Variants in ITGB7 observed in about 807,000 individuals in gnomAD.
The protein encoded by ITGB7 is integrin subunit beta 7, also known as integrin beta-7.
A neutral mutation model predicts 83.4 loss-of-function variants in ITGB7; 55 were observed. That is an observed-to-expected ratio of 0.66 (90% CI 0.53 to 0.83). The LOEUF is 0.83. ITGB7 is among the 40% of genes least tolerant of loss of function. The pLI, the probability that ITGB7 is intolerant of heterozygous loss-of-function variation, is 0.00. For synonymous variants in ITGB7, 454 were observed against 423.6 expected, an observed-to-expected ratio of 1.07 and a Z score of -0.88; for missense variants, 921 against 1,046.7, an observed-to-expected ratio of 0.88 and a Z score of 1.66.
chr12:53,200,182 C>T, intron 3 of ITGB7, 61 bp downstream of exon 3: 2 of 1,401,820 alleles, frequency 1.4e-6, no homozygotes, highest in South Asian at 2.4e-5. Flanking sequence ...CCAGGCTGCA[C>T]ATACATATAC....
Position 53,193,746 on chromosome 12 carries a change from G to A in ITGB7, c.1464C>T (p.Cys488=), listed in dbSNP as rs546463515. The A allele has an allele frequency of 4.3e-6, 7 of 1,613,964 alleles. No homozygotes were observed. In the South Asian group the frequency reaches 6.6e-5, roughly 15 times the overall value. ...ATTGTAGGTGTCCCTGGCCATCACT[G>A]CAGTGGGGAGCCTGGGGCTGGGTGT... ...CSDTQPQAPH[C]SDGQGHLQCG... The change falls in exon 11 of 16, where the codon TGC becomes TGT. Residue 488 remains cysteine (C), a synonymous_variant. Transcript: ENST00000267082.
chr12:53,199,785 A>G (rs1369376921), intron 3 of ITGB7, among the ~76,000 whole-genome samples: 1 of 150,864 alleles, frequency 6.6e-6, no homozygotes, highest in Non-Finnish European at 1.5e-5. Context: ...CAGCACTTTG[A>G]TCTTGGACTT....
intron 3 of ITGB7, among the ~76,000 whole-genome samples, chr12:53,199,649 G>A (rs1451868868): frequency 4.0e-5 from 6 of 151,728 alleles, no homozygotes; most frequent in African/African-American, 1.2e-4. Flanking sequence ...GAATTAGTGC[G>A]CTTACAAGAA....
chr12:53,192,234 C>T (rs748258005), intron 14 of ITGB7, 96 bp downstream of exon 14: 2 of 1,362,542 alleles, frequency 1.5e-6, no homozygotes, highest in Admixed American at 1.8e-5. Flanking sequence ...TCTGCTTCAG[C>T]CCCCAGCCTG....
At chr12:53,205,045 G>A (rs559188489) in intron 1 of ITGB7, among the ~76,000 whole-genome samples, 11 of 151,984 alleles carry the variant, frequency 7.2e-5, no homozygotes, top group Non-Finnish European at 1.0e-4. Context: ...GGCTGGTCTC[G>A]AACCCCTGAC....
chr12:53,192,367 G>A lies in ITGB7; in HGVS notation c.2118C>T (p.Ala706=). The A allele has an allele frequency of 1.2e-6, 2 of 1,614,082 alleles. No homozygotes were observed. Among genetic ancestry groups the A allele is most frequent in the Non-Finnish European group, 1.7e-6 (2 of 1,180,012 alleles). The change falls in exon 14 of 16, where the codon GCC becomes GCT. Residue 706 remains alanine (A), a synonymous_variant. Transcript: ENST00000267082. ...QLFFFLVEDD[A]RGTVVLRVRP... ...TCACTCTGAGCACGACCGTGCCTCT[G>A]GCGTCATCCTCCACCAAGAAGAAGA...
intron 3 of ITGB7, 81 bp from the exon 4 acceptor site, chr12:53,198,032 G>C: frequency 8.5e-7 from 1 of 1,181,454 alleles, no homozygotes; most frequent in South Asian, 1.4e-5. Context: ...CTGCAAACCC[G>C]GCCACCTCTA....
intron 5 of ITGB7, chr12:53,197,047 A>G: frequency 1.7e-6 from 1 of 585,606 alleles, no homozygotes; most frequent in Non-Finnish European, 3.0e-6. Context: ...GCAAATGGGA[A>G]CTTCCAGAAG....
Position 53,192,725 on chromosome 12 carries a change from A to C in ITGB7, c.1912T>G (p.Cys638Gly). 6.2e-7 allele frequency: 1 copy of C among 1,614,166 alleles called. No homozygotes were observed. The highest frequency in any genetic ancestry group is 8.5e-7 in the Non-Finnish European group (1 of 1,180,026). Residue 638 changes from cysteine (C) to glycine (G), a missense_variant, in exon 13 of 16, where the codon TGC becomes GGC. By Grantham distance (159) the Cys-to-Gly change is radical. Transcript: ENST00000267082. ...DGYYGALCDQCPGCKTPCERH... is the reference protein window; with the variant it reads ...DGYYGALCDQGPGCKTPCERH... ...TCGCATGGTGTCTTGCAGCCTGGGC[A>C]TTGGTCGCATAGAGCACCATAGTAG...
At chr12:53,200,175 G>A (rs1942289897) in intron 3 of ITGB7, 68 bp downstream of exon 3, 4 of 1,326,974 alleles carry the variant, frequency 3.0e-6, no homozygotes, top group African/African-American at 1.4e-5. Flanking sequence ...CATATATCCA[G>A]GCTGCACATA....
chr12:53,193,089 G>T (rs765889125), intron 12 of ITGB7, 51 bp downstream of exon 12: 3 of 1,513,994 alleles, frequency 2.0e-6, no homozygotes, highest in East Asian at 4.6e-5. Context: ...GAGCCTAAGT[G>T]CCTTGGGAAG....
chr12:53,206,799 T>G (rs574682326), intron 1 of ITGB7: 1 of 152,406 alleles, frequency 6.6e-6, no homozygotes, highest in Non-Finnish European at 1.5e-5. Context: ...TAGGAAGAAG[T>G]CTGAGCTGAA....
intron 11 of ITGB7, 159 bp from the exon 12 acceptor site, chr12:53,193,522 G>T: frequency 1.4e-6 from 1 of 738,788 alleles, no homozygotes; most frequent in Non-Finnish European, 2.2e-6. Context: ...GGGTGAGAGA[G>T]TGGAGGGAGC....
intron 3 of ITGB7, 126 bp from the exon 4 acceptor site, chr12:53,198,077 G>T: frequency 1.5e-6 from 1 of 646,218 alleles, no homozygotes; most frequent in Admixed American, 3.1e-5. Flanking sequence ...TTGAGTCCCT[G>T]ATTCCCTCCC....
At chr12:53,197,241 G>A (rs186571935) in intron 5 of ITGB7, 15 of 592,678 alleles carry the variant, frequency 2.5e-5, no homozygotes, top group African/African-American at 2.0e-4. Flanking sequence ...GGCCCAGAGA[G>A]TGCCTGAGCA....
At chr12:53,203,122 T>C (rs1942355258) in intron 1 of ITGB7, among the ~76,000 whole-genome samples, 1 of 152,150 alleles carries the variant, frequency 6.6e-6, no homozygotes, top group African/African-American at 2.4e-5. Flanking sequence ...TCAAAGACAA[T>C]GTCAAGAGAG....
At chr12:53,197,088 A>ACC (rs1942190108) in intron 5 of ITGB7, 8 of 562,074 alleles carry the variant, frequency 1.4e-5, no homozygotes, top group Non-Finnish European at 2.2e-5. Flanking sequence ...AGGATATGGT[A>ACC]GCAGCATGAG....
chr12:53,191,430 G>A lies in ITGB7; in HGVS notation c.*126C>T, dbSNP rs1216845960. ...GGTGTCACTCTGAAAATGAAGTAGG[G>A]TGGTGGCCGCACCTCGCCAGTGAAT... On this transcript the variant is annotated 3_prime_UTR_variant, in exon 16 of 16. Coordinates refer to ENST00000267082, the MANE Select transcript of ITGB7 (RefSeq NM_000889.3). 2.0e-5 allele frequency: 15 copies of A among 766,436 alleles called. No individual in the cohort carries two copies. Among genetic ancestry groups the A allele is most frequent in the South Asian group, 1.6e-4 (11 of 68,938 alleles). 47.5% of individuals were successfully genotyped at this position (766,436 alleles called of 1,614,324 possible).
chr12:53,193,261 GGGCCCTGTGCC>G lies in ITGB7; in HGVS notation c.1594_1604del (p.Gly532ProfsTer27). The G allele has an allele frequency of 6.2e-7, 1 of 1,614,074 alleles. No homozygotes were observed. ...GACAGTGACCCTTTCCACTGCACAG[GGGCCCTGTGCC>G]ATTGGGAGCCCGGCACCCAGATTCC... On this transcript the variant is annotated frameshift_variant, in exon 12 of 16. Transcript: ENST00000267082. LOFTEE classifies it high-confidence loss of function.
Sources: allele counts gnomAD v4.1 joint callset (sites outside exome capture counted in the v4.1 genomes callset), GRCh38; gene constraint gnomAD v4.1.1; transcripts MANE v1.5; gene names NCBI Gene and HGNC (gene_info 2026-07-23, HGNC 2026-07-21).